BPIFB3: variants seen among roughly 807,000 people sequenced by gnomAD.
BPIFB3 encodes BPI fold containing family B member 3, also known as BPI fold-containing family B member 3.
In BPIFB3, 49 loss-of-function variants were observed where a neutral mutation model predicts 53.1. The ratio of observed to expected loss-of-function variants is 0.92; its 90% confidence interval spans 0.73 to 1.17. The LOEUF (loss-of-function observed/expected upper bound fraction) is 1.17. BPIFB3 is among the 50% of genes most tolerant of loss of function. The probability of loss-of-function intolerance (pLI) is 0.00; values close to 1 mark genes in which losing one functional copy is unlikely to be tolerated. For synonymous variants in BPIFB3, 271 were observed against 269.6 expected (o/e 1.01, Z -0.05); for missense variants, 628 against 592.5 (o/e 1.06, Z -0.62).
chr20:33,059,321 G>A (rs932766742), intron 2 of BPIFB3, 57 bp from the exon 4 acceptor site: 19 of 1,376,282 alleles, frequency 1.4e-5, no homozygotes, highest in Admixed American at 1.9e-5. Context: ...CACTCTGGGC[G>A]CCGCCTGGGC....
exon 2 of BPIFB3, chr20:33,056,602 C>A: frequency 6.2e-7 from 1 of 1,613,996 alleles, no homozygotes; most frequent in South Asian, 1.1e-5. Flanking sequence ...TCGGTCACAG[C>A]TGTGAACCGG....
intron 5 of BPIFB3, 71 bp downstream of exon 6, chr20:33,061,902 T>A: frequency 6.4e-7 from 1 of 1,567,630 alleles, no homozygotes; most frequent in Non-Finnish European, 8.8e-7. Context: ...TGGTTTTGGG[T>A]GAAGTTTGGC....
chr20:33,066,405 G>A (rs1980672074), intron 8 of BPIFB3, among the ~76,000 whole-genome samples: 1 of 152,172 alleles, frequency 6.6e-6, no homozygotes, highest in African/African-American at 2.4e-5. Flanking sequence ...TGGGTAAAAG[G>A]CAAAAAGATC....
chr20:33,054,822 A>T (rs1980124641), upstream of BPIFB3, among the ~76,000 whole-genome samples: 1 of 152,218 alleles, frequency 6.6e-6, no homozygotes, highest in Non-Finnish European at 1.5e-5. Context: ...CCATGCCCCC[A>T]CCTGCCACCC....
intron 12 of BPIFB3, among the ~76,000 whole-genome samples, chr20:33,071,629 C>G (rs989130924): frequency 2.0e-5 from 3 of 152,124 alleles, no homozygotes; most frequent in Admixed American, 6.5e-5. Context: ...ATAAATTTCC[C>G]GAACTCAGCA....
At position 33,064,776 on chromosome 20, in the gene BPIFB3, C is replaced by A. The variant is rs569011179; in HGVS notation, c.855C>A (p.Tyr285Ter). The change falls in exon 8 of 15, where the codon TAC (tyrosine) becomes TAA (stop). Residue 285 changes from tyrosine to a stop codon, truncating the protein, a stop_gained. Transcript: ENST00000375494. LOFTEE classifies it high-confidence loss of function. ...CATCCCAGGTGATGGTGCCACTGTA[C>A]CTCTTCAACACCACGTTTGGACTCC... 6.2e-7 allele frequency: 1 copy of A among 1,614,124 alleles called. No homozygotes were observed. Among genetic ancestry groups the A allele is most frequent in the South Asian group, 1.1e-5 (1 of 91,078 alleles).
intron 5 of BPIFB3, among the ~76,000 whole-genome samples, chr20:33,063,143 C>T (rs184100596): frequency 3.3e-5 from 5 of 152,284 alleles, no homozygotes; most frequent in African/African-American, 1.2e-4. Flanking sequence ...TGGTGATATG[C>T]AGAATGGACA....
intron 2 of BPIFB3, among the ~76,000 whole-genome samples, chr20:33,057,595 A>G (rs147152972): frequency 4.4e-5 from 5 of 114,276 alleles, no homozygotes; most frequent in African/African-American, 1.8e-4. Flanking sequence ...TTGTCCCTCA[A>G]ATAGGATTCC....
In BPIFB3 at chr20:33,068,784, T is replaced by C; in HGVS notation, c.979-19T>C. On this transcript the variant is annotated intron_variant, in intron 9 of 14. Transcript: ENST00000375494. The stretch of plus-strand genomic sequence containing the variant: ...TTGTAGTCCTGGGGCATCTAAGTTA[T>C]GCCCCTGCATTTCTCCAGGCCCTGG... 1.9e-6 allele frequency: 3 copies of C among 1,609,870 alleles called. No individual in the cohort carries two copies. The highest frequency in any genetic ancestry group is 2.5e-6 in the Non-Finnish European group (3 of 1,177,664).
At chr20:33,055,574 G>C (rs1980164525) in intron 1 of BPIFB3, 27 bp downstream of exon 2, 1 of 1,612,606 alleles carries the variant, frequency 6.2e-7, no homozygotes, top group Non-Finnish European at 8.5e-7. Context: ...CAGTCTGTGA[G>C]GGGGCTGCTG....
chr20:33,070,027 G>A (rs1043328265), intron 11 of BPIFB3, 72 bp downstream of exon 12: 32 of 1,539,086 alleles, frequency 2.1e-5, no homozygotes, highest in East Asian at 9.0e-5. Flanking sequence ...GACAGGATCC[G>A]CCTCCCGTTT....
At chr20:33,061,979 C>A (rs943485212) in intron 5 of BPIFB3, 148 bp downstream of exon 6, 7 of 917,236 alleles carry the variant, frequency 7.6e-6, no homozygotes, top group Non-Finnish European at 1.2e-5. Context: ...GCCTGCTGAC[C>A]GGCCTTCCTG....
chr20:33,062,983 C>A (rs1568994235), intron 5 of BPIFB3, among the ~76,000 whole-genome samples: 1 of 152,228 alleles, frequency 6.6e-6, no homozygotes, highest in Non-Finnish European at 1.5e-5. Context: ...CTGGCCTCAG[C>A]TGGAGGATGA....
chr20:33,069,107 C>A, intron 10 of BPIFB3, 134 bp downstream of exon 11: 1 of 968,800 alleles, frequency 1.0e-6, no homozygotes. Flanking sequence ...GGAAGCCCCC[C>A]GCCCCACAAC....
At chr20:33,064,498 C>T (rs556067777) in exon 7 of BPIFB3, 7 of 1,614,188 alleles carry the variant, frequency 4.3e-6, no homozygotes, top group South Asian at 1.1e-5. Flanking sequence ...GGAATTCTCT[C>T]TGGCCACATT....
rs139913355 is a variant in BPIFB3 at position 33,058,280 on chromosome 20, G to T, written c.282-1098G>T. ...TTCACTTCCCTAAACGGAACATAATGTCCGGAAAGCAGGCTGGTAAATGCT... is the reference window on the plus strand; with the variant it reads ...TTCACTTCCCTAAACGGAACATAATTTCCGGAAAGCAGGCTGGTAAATGCT... On this transcript the variant is annotated intron_variant, in intron 2 of 14. Coordinates refer to ENST00000375494, the Ensembl canonical transcript of BPIFB3. 2.0e-5 allele frequency among the ~76,000 whole-genome samples: 3 copies of T among 152,300 alleles called. No individual in the cohort carries two copies. In the East Asian group the frequency reaches 5.8e-4, roughly 29 times the overall value.
rs1980212271 is a variant in BPIFB3, at chr20:33,056,539, C to T, written c.125-3C>T. 5.6e-6 allele frequency: 9 copies of T among 1,613,664 alleles called. No homozygotes were observed. The highest frequency in any genetic ancestry group is 3.4e-4 in the Middle Eastern group (2 of 5,836). On this transcript the variant is annotated splice_region_variant and splice_polypyrimidine_tract_variant and intron_variant, in intron 1 of 14. Transcript: ENST00000375494. ...TACCTTCCTACTTCCACTCTCTCTG[C>T]AGCCATCCAGAACTCACTGGTTGGG... is the stretch of plus-strand genomic sequence containing the variant.
intron 2 of BPIFB3, among the ~76,000 whole-genome samples, chr20:33,057,754 C>A (rs555815061): frequency 6.6e-6 from 1 of 151,812 alleles, no homozygotes; most frequent in African/African-American, 2.4e-5. Flanking sequence ...GATTCCAGAA[C>A]ACTCCTGCTG....
chr20:33,063,728 G>T, intron 6 of BPIFB3, 53 bp downstream of exon 7: 1 of 1,575,090 alleles, frequency 6.3e-7, no homozygotes, highest in Non-Finnish European at 8.7e-7. Context: ...GTCTCTGTAT[G>T]ACCCCAATGG....
Sources: allele counts gnomAD v4.1 joint callset (sites outside exome capture counted in the v4.1 genomes callset), GRCh38; gene constraint gnomAD v4.1.1; transcripts MANE v1.5; gene names NCBI Gene and HGNC (gene_info 2026-07-23, HGNC 2026-07-21).